KCNB2: variants seen among roughly 807,000 people sequenced by gnomAD.
KCNB2 encodes the protein potassium voltage-gated channel subfamily B member 2.
In KCNB2, 15 loss-of-function variants were observed where a neutral mutation model predicts 61.5. The observed-to-expected ratio is 0.24, with a 90% CI of 0.16 to 0.38. The LOEUF (loss-of-function observed/expected upper bound fraction) is 0.38. Ranked by LOEUF, KCNB2 falls within the 10% of genes least tolerant of loss-of-function variation. The pLI, the probability that KCNB2 is intolerant of heterozygous loss-of-function variation, is 1.00. For synonymous variants in KCNB2, 457 were observed against 446.0 expected (o/e 1.02, Z -0.31); for missense variants, 828 against 1,125.2 (o/e 0.74, Z 3.78).
chr8:72,912,552 A>G (rs974209362), intron 2 of KCNB2, among the ~76,000 whole-genome samples: 11 of 149,406 alleles, frequency 7.4e-5, no homozygotes, highest in African/African-American at 2.7e-4. Context: ...GGGTTTATAT[A>G]TCCTATATAT....
At chr8:72,804,977 T>C (rs917122218) in intron 2 of KCNB2, among the ~76,000 whole-genome samples, 1 of 152,110 alleles carries the variant, frequency 6.6e-6, no homozygotes, top group African/African-American at 2.4e-5. Flanking sequence ...CCTCAAGTCA[T>C]TAGGTTAAAG....
chr8:72,555,896 A>T (rs1395519656), intron 1 of KCNB2, among the ~76,000 whole-genome samples: 1 of 152,160 alleles, frequency 6.6e-6, no homozygotes, highest in Non-Finnish European at 1.5e-5. Flanking sequence ...TTAAAGGAAA[A>T]TAGAATCCAT....
At position 72,829,983 on chromosome 8, in the gene KCNB2, C is replaced by CA. The variant is rs11351226; in HGVS notation, c.580-105936dup. ...AAATGGAGGAAAAAAGCTGCTGCTT[C>CA]AAAAAAAAAAAAAAAAGCCAACTAG... On this transcript the variant is annotated intron_variant, in intron 2 of 2. Coordinates refer to ENST00000523207, the MANE Select transcript of KCNB2 (RefSeq NM_004770.3). Among the ~76,000 whole-genome samples, 811 of 120,294 alleles carry CA rather than the reference C, an allele frequency of 6.7e-3. 3 individuals are homozygous for CA. Among genetic ancestry groups the CA allele is most frequent in the Middle Eastern group, 0.064 (15 of 234 alleles). The allele number at this position is 120,294 out of a possible 152,430, so 78.9% of individuals were successfully genotyped here.
chr8:72,674,243 T>C (rs1395280482), intron 2 of KCNB2, among the ~76,000 whole-genome samples: 1 of 152,258 alleles, frequency 6.6e-6, no homozygotes, highest in Non-Finnish European at 1.5e-5. Flanking sequence ...GATGATAATA[T>C]CTACCTAAAA....
At chr8:72,542,850 C>G (rs747869850) in intron 1 of KCNB2, among the ~76,000 whole-genome samples, 3 of 152,182 alleles carry the variant, frequency 2.0e-5, no homozygotes, top group Non-Finnish European at 2.9e-5. Context: ...AAGGTATCTA[C>G]TCAGCTTCTG....
At chr8:72,727,709 G>C (rs568572784) in intron 2 of KCNB2, among the ~76,000 whole-genome samples, 33 of 152,174 alleles carry the variant, frequency 2.2e-4, no homozygotes, top group African/African-American at 7.7e-4. Flanking sequence ...AATGGCTGAT[G>C]GCACACAAAT....
Position 72,763,241 on chromosome 8 carries a change from C to T in KCNB2, c.580-172694C>T, listed in dbSNP as rs533138558. Among the ~76,000 whole-genome samples the T allele has an allele frequency of 5.3e-5, 8 of 152,160 alleles. No homozygotes were observed. In the South Asian group the frequency reaches 1.7e-3, roughly 32 times the overall value. ...GAGCAGTGCACATAGCTCACCCGCA[C>T]CACTTGGGTATTTCACTAAGGTGCA... On this transcript the variant is annotated intron_variant, in intron 2 of 2. Transcript: ENST00000523207.
At chr8:72,630,556 A>G (rs1363304224) in intron 2 of KCNB2, among the ~76,000 whole-genome samples, 1 of 152,208 alleles carries the variant, frequency 6.6e-6, no homozygotes. Flanking sequence ...TTGCCTTTCA[A>G]TTCTGGAGGC....
intron 2 of KCNB2, among the ~76,000 whole-genome samples, chr8:72,910,535 C>T (rs992043044): frequency 1.3e-5 from 2 of 152,020 alleles, no homozygotes; most frequent in African/African-American, 4.8e-5. Context: ...GAAGAGAGTG[C>T]CATAGCATTA....
At chr8:72,605,297 C>A (rs554376416) in intron 2 of KCNB2, among the ~76,000 whole-genome samples, 2 of 152,154 alleles carry the variant, frequency 1.3e-5, no homozygotes, top group Non-Finnish European at 2.9e-5. Flanking sequence ...TGCTCCTTGG[C>A]AGCTGGTTAT....
Position 72,937,195 on chromosome 8 carries a change from A to T in KCNB2, c.1840A>T (p.Thr614Ser). ...DSFTSCATDFTETERSPLPPP... is the reference protein window; with the variant it reads ...DSFTSCATDFSETERSPLPPP... The stretch of plus-strand genomic sequence containing the variant: ...CTTCACCAGCTGTGCCACCGACTTC[A>T]CAGAGACAGAGAGATCGCCGCTGCC... The change falls in exon 3 of 3, where the codon ACA (threonine) becomes TCA (serine). Residue 614 changes from threonine to serine, a missense_variant. Coordinates refer to ENST00000523207, the MANE Select transcript of KCNB2 (RefSeq NM_004770.3). 4 of 1,614,116 alleles carry T rather than the reference A, an allele frequency of 2.5e-6. No homozygotes were observed. The highest frequency in any genetic ancestry group is 3.4e-6 in the Non-Finnish European group (4 of 1,180,018).
At chr8:72,590,237 A>G (rs1339411104) in intron 2 of KCNB2, among the ~76,000 whole-genome samples, 1 of 152,208 alleles carries the variant, frequency 6.6e-6, no homozygotes, top group South Asian at 2.1e-4. Context: ...TGGTACAGCA[A>G]GGATATATAT....
At chr8:72,750,905 C>G (rs1808177718) in intron 2 of KCNB2, 1 of 152,012 alleles carries the variant, frequency 6.6e-6, no homozygotes, top group African/African-American at 2.4e-5. Context: ...CAGTTTCAGC[C>G]AGGAAACAAG....
chr8:72,692,774 T>A (rs982419146), intron 2 of KCNB2, among the ~76,000 whole-genome samples: 1 of 148,996 alleles, frequency 6.7e-6, no homozygotes, highest in Non-Finnish European at 1.5e-5. Flanking sequence ...ATTTTAATTA[T>A]TATTTAATTA....
chr8:72,924,778 C>T (rs908540173), intron 2 of KCNB2, among the ~76,000 whole-genome samples: 1 of 152,158 alleles, frequency 6.6e-6, no homozygotes, highest in African/African-American at 2.4e-5. Context: ...ATGAAAGGCC[C>T]TTGTCTGTGA....
chr8:72,676,094 C>T (rs1479683281), intron 2 of KCNB2, among the ~76,000 whole-genome samples: 1 of 152,126 alleles, frequency 6.6e-6, no homozygotes, highest in African/African-American at 2.4e-5. Flanking sequence ...TATTATATAT[C>T]TCCTCTACCT....
intron 2 of KCNB2, among the ~76,000 whole-genome samples, chr8:72,676,213 T>C (rs2439331): frequency 0.17 from 25,850 of 152,038 alleles, 2,867 homozygotes; most frequent in African/African-American, 0.31. Flanking sequence ...CAAAACCAAG[T>C]ATGGAATTGC....
intron 2 of KCNB2, among the ~76,000 whole-genome samples, chr8:72,762,507 G>T (rs911730327): frequency 2.6e-5 from 4 of 152,122 alleles, no homozygotes; most frequent in East Asian, 1.9e-4. Flanking sequence ...GTCCTGTACT[G>T]CTTGGCACAG....
chr8:72,571,318 A>G (rs1806705402), intron 2 of KCNB2, among the ~76,000 whole-genome samples: 1 of 152,212 alleles, frequency 6.6e-6, no homozygotes, highest in Non-Finnish European at 1.5e-5. Context: ...GTCAACTCCT[A>G]TGGAACATGT....
Sources: allele counts gnomAD v4.1 joint callset (sites outside exome capture counted in the v4.1 genomes callset), GRCh38; gene constraint gnomAD v4.1.1; transcripts MANE v1.5; gene names NCBI Gene and HGNC (gene_info 2026-07-23, HGNC 2026-07-21).